Variants in PTPRD observed in about 807,000 individuals in gnomAD.
PTPRD encodes the protein receptor-type tyrosine-protein phosphatase delta.
PTPRD carries 34 observed loss-of-function variants against 214.5 expected under a neutral mutation model. The observed-to-expected ratio is 0.16, with a 90% CI of 0.12 to 0.21. The LOEUF (loss-of-function observed/expected upper bound fraction) is 0.21. Among genes scored for constraint, PTPRD ranks in the 10% least tolerant of loss-of-function variants. PTPRD has a pLI of 1.00. For synonymous variants in PTPRD, 1,128 were observed against 845.7 expected, an observed-to-expected ratio of 1.33 and a Z score of -5.79; for missense variants, 2,545 against 2,398.7, an observed-to-expected ratio of 1.06 and a Z score of -1.27.
chr9:9,962,895 C>A (rs141219400), intron 4 of PTPRD, among the ~76,000 whole-genome samples: 1 of 152,046 alleles, frequency 6.6e-6, no homozygotes, highest in Non-Finnish European at 1.5e-5. Context: ...AATAAAACAA[C>A]TGAATGAGAA....
At chr9:10,555,811 C>A in intron 2 of PTPRD, among the ~76,000 whole-genome samples, 1 of 151,946 alleles carries the variant, frequency 6.6e-6, no homozygotes, top group Admixed American at 6.6e-5. Flanking sequence ...AAACTAGATT[C>A]CTCTAAGATT....
At chr9:8,546,033 T>C (rs2080037706) in intron 14 of PTPRD, among the ~76,000 whole-genome samples, 1 of 152,214 alleles carries the variant, frequency 6.6e-6, no homozygotes, top group African/African-American at 2.4e-5. Context: ...CTATTTAGCC[T>C]TAACACAGAT....
At chr9:8,840,874 C>G (rs1253237598) in intron 11 of PTPRD, among the ~76,000 whole-genome samples, 1 of 152,140 alleles carries the variant, frequency 6.6e-6, no homozygotes, top group Non-Finnish European at 1.5e-5. Context: ...GGCTCTGGTA[C>G]TGCATCTTCT....
intron 3 of PTPRD, among the ~76,000 whole-genome samples, chr9:10,157,156 G>A (rs2099098686): frequency 6.6e-6 from 1 of 152,108 alleles, no homozygotes; most frequent in African/African-American, 2.4e-5. Flanking sequence ...GATACATGTG[G>A]ATTTGATTCT....
chr9:9,706,033 A>C (rs1368776936), intron 7 of PTPRD, among the ~76,000 whole-genome samples: 2 of 152,154 alleles, frequency 1.3e-5, no homozygotes, highest in African/African-American at 4.8e-5. Context: ...CTTCTTGCAA[A>C]TTAATCATGA....
At chr9:9,213,746 T>C (rs1250522639) in intron 9 of PTPRD, among the ~76,000 whole-genome samples, 1 of 152,142 alleles carries the variant, frequency 6.6e-6, no homozygotes, top group Middle Eastern at 3.2e-3. Context: ...AGTAAGGTGC[T>C]AAAGGACACT....
chr9:9,272,701 T>C (rs1402651286), intron 9 of PTPRD, among the ~76,000 whole-genome samples: 1 of 151,356 alleles, frequency 6.6e-6, no homozygotes, highest in Admixed American at 6.6e-5. Context: ...TTATTACTCC[T>C]TGTTCAGAAG....
At chr9:9,019,621 A>G (rs1473914702) in intron 10 of PTPRD, among the ~76,000 whole-genome samples, 1 of 152,120 alleles carries the variant, frequency 6.6e-6, no homozygotes, top group Non-Finnish European at 1.5e-5. Context: ...CAGGAGAATC[A>G]CTTGAACCCA....
At chr9:9,801,337 TAAA>T (rs35160371) in intron 5 of PTPRD, among the ~76,000 whole-genome samples, 1 of 149,216 alleles carries the variant, frequency 6.7e-6, no homozygotes, top group Admixed American at 6.7e-5. Context: ...TAAAGAGGAT[TAAA>T]AAAAAAAAAG....
intron 5 of PTPRD, among the ~76,000 whole-genome samples, chr9:9,817,973 C>T (rs2049326163): frequency 6.6e-6 from 1 of 152,100 alleles, no homozygotes. Context: ...TGTTGATCTC[C>T]TGAGGGACTT....
intron 9 of PTPRD, among the ~76,000 whole-genome samples, chr9:9,251,980 T>C (rs146656459): frequency 1.2e-4 from 19 of 152,210 alleles, no homozygotes; most frequent in African/African-American, 4.3e-4. Flanking sequence ...CTATTGTCTT[T>C]ACAACCTATA....
intron 8 of PTPRD, among the ~76,000 whole-genome samples, chr9:9,546,732 A>T (rs2078892348): frequency 6.6e-6 from 1 of 151,920 alleles, no homozygotes; most frequent in African/African-American, 2.4e-5. Context: ...TGTTCCACTA[A>T]GTACTAAATA....
At chr9:8,614,293 T>C (rs776875770) in intron 14 of PTPRD, among the ~76,000 whole-genome samples, 1 of 152,216 alleles carries the variant, frequency 6.6e-6, no homozygotes, top group Non-Finnish European at 1.5e-5. Flanking sequence ...ATATTTGAGT[T>C]GCCCAACACA....
At chr9:9,026,943 G>T (rs1320811252) in intron 10 of PTPRD, among the ~76,000 whole-genome samples, 1 of 151,554 alleles carries the variant, frequency 6.6e-6, no homozygotes, top group Non-Finnish European at 1.5e-5. Context: ...CCCAGCCAGA[G>T]CTTCATCTCT....
At chr9:8,740,870 A>G (rs1598436121) in intron 11 of PTPRD, among the ~76,000 whole-genome samples, 1 of 152,326 alleles carries the variant, frequency 6.6e-6, no homozygotes. Flanking sequence ...ATAAGCACAC[A>G]ATGATTCTTT....
intron 7 of PTPRD, among the ~76,000 whole-genome samples, chr9:9,674,360 C>T (rs927064291): frequency 3.3e-5 from 5 of 150,792 alleles, no homozygotes; most frequent in African/African-American, 1.2e-4. Context: ...TTACCTTCTC[C>T]GTGATAAAGT....
chr9:8,566,196 A>C (rs1009960392), intron 14 of PTPRD, among the ~76,000 whole-genome samples: 1 of 149,010 alleles, frequency 6.7e-6, no homozygotes, highest in Non-Finnish European at 1.5e-5. Flanking sequence ...GTAGTTTTTT[A>C]AGCTACTGTT....
intron 3 of PTPRD, among the ~76,000 whole-genome samples, chr9:10,208,551 G>A (rs1247061245): frequency 1.3e-5 from 2 of 152,106 alleles, no homozygotes; most frequent in East Asian, 1.9e-4. Context: ...AACAGGAACA[G>A]AAACTCTGAA....
chr9:9,553,078 C>G (rs1269394754), intron 8 of PTPRD, among the ~76,000 whole-genome samples: 1 of 151,932 alleles, frequency 6.6e-6, no homozygotes, highest in Non-Finnish European at 1.5e-5. Context: ...AATATGGAGG[C>G]AAAGGCAGCA....
Sources: allele counts gnomAD v4.1 joint callset (sites outside exome capture counted in the v4.1 genomes callset), GRCh38; gene constraint gnomAD v4.1.1; transcripts MANE v1.5; gene names NCBI Gene and HGNC (gene_info 2026-07-23, HGNC 2026-07-21).